The following SLC38A9 variants were observed in gnomAD, a reference collection of about 807,000 sequenced individuals.
SLC38A9 encodes solute carrier family 38 member 9, also known as neutral amino acid transporter 9.
A neutral mutation model predicts 62.3 loss-of-function variants in SLC38A9; 48 were observed. The observed-to-expected ratio is 0.77, with a 90% CI of 0.61 to 0.98. SLC38A9 has a LOEUF of 0.98. Ranked by LOEUF, SLC38A9 falls within the 50% of genes least tolerant of loss-of-function variation. The pLI, the probability that SLC38A9 is intolerant of heterozygous loss-of-function variation, is 0.00. For missense variants in SLC38A9, 541 were observed against 679.8 expected (o/e 0.80, Z 2.27); for synonymous variants, 204 against 227.7 (o/e 0.90, Z 0.94).
chr5:55,692,423 T>C (rs1215679618), intron 3 of SLC38A9, among the ~76,000 whole-genome samples: 1 of 151,894 alleles, frequency 6.6e-6, no homozygotes, highest in African/African-American at 2.4e-5. Context: ...GTTTTATTTA[T>C]ATATGTAATG....
At chr5:55,629,270 G>A (rs1457661219) in intron 14 of SLC38A9, among the ~76,000 whole-genome samples, 1 of 151,996 alleles carries the variant, frequency 6.6e-6, no homozygotes, top group Non-Finnish European at 1.5e-5. Context: ...GCAGTGCAGT[G>A]GGGCAATAAT....
chr5:55,682,717 A>G (rs193208081), intron 3 of SLC38A9, among the ~76,000 whole-genome samples: 29 of 152,242 alleles, frequency 1.9e-4, no homozygotes, highest in African/African-American at 6.5e-4. Flanking sequence ...CAAAGTTACA[A>G]GGTGCTATGA....
chr5:55,646,650 T>C (rs1379192860), intron 11 of SLC38A9, among the ~76,000 whole-genome samples: 1 of 152,234 alleles, frequency 6.6e-6, no homozygotes, highest in Non-Finnish European at 1.5e-5. Flanking sequence ...TAAATTGAGA[T>C]ACAGTTGTGC....
chr5:55,670,471 A>G (rs1751122224), intron 4 of SLC38A9, among the ~76,000 whole-genome samples: 1 of 152,230 alleles, frequency 6.6e-6, no homozygotes, highest in Admixed American at 6.5e-5. Flanking sequence ...TTTCAAATAT[A>G]GAAAATCTAA....
chr5:55,687,376 G>A (rs1321695465), intron 3 of SLC38A9, among the ~76,000 whole-genome samples: 2 of 145,964 alleles, frequency 1.4e-5, no homozygotes, highest in Non-Finnish European at 3.0e-5. Flanking sequence ...GCAGTGAGCG[G>A]AGATCGCGCC....
chr5:55,650,688 C>T (rs1458318741), intron 10 of SLC38A9, among the ~76,000 whole-genome samples: 2 of 152,182 alleles, frequency 1.3e-5, no homozygotes, highest in Non-Finnish European at 2.9e-5. Context: ...TACAGTGAAT[C>T]CTGTTCCTGA....
intron 8 of SLC38A9, among the ~76,000 whole-genome samples, chr5:55,663,296 C>CAAAAA (rs555065009): frequency 2.1e-5 from 2 of 93,122 alleles, no homozygotes; most frequent in African/African-American, 4.7e-5. Flanking sequence ...TCTGTCTCTA[C>CAAAAA]AAAAAAAAAA....
chr5:55,640,235 C>T (rs985372044), intron 12 of SLC38A9, among the ~76,000 whole-genome samples: 2 of 152,114 alleles, frequency 1.3e-5, no homozygotes, highest in Admixed American at 1.3e-4. Context: ...ATCCAACCAC[C>T]TCAGCCTCCC....
At position 55,711,519 on chromosome 5, in the gene SLC38A9, C is replaced by A. The variant is rs1403708196; in HGVS notation, c.-82-20G>T. The A allele has an allele frequency of 6.6e-6, 1 of 152,074 alleles. No individual in the cohort carries two copies. The highest frequency in any genetic ancestry group is 1.5e-5 in the Non-Finnish European group (1 of 68,034). 9.4% of individuals were successfully genotyped at this position (152,074 alleles called of 1,614,324 possible). ...CCTTCTCTGTAAAATGAGGAGAATG[C>A]GCTTGACTAGCTGCTCTCAAACCCC... On this transcript the variant is annotated intron_variant, in intron 1 of 15. Coordinates refer to ENST00000396865, the MANE Select transcript of SLC38A9 (RefSeq NM_173514.4).
In SLC38A9 at chr5:55,654,568, T is replaced by C. The variant is rs980296488; in HGVS notation, c.758-1845A>G. Among the ~76,000 whole-genome samples, 4 of 151,116 alleles carry C rather than the reference T, an allele frequency of 2.6e-5. No individual in the cohort carries two copies. In the East Asian group the frequency reaches 7.8e-4, roughly 29 times the overall value. On this transcript the variant is annotated intron_variant, in intron 9 of 15. Transcript: ENST00000396865. ...TGCAGTGAGCTATGATCATTGCCAC[T>C]ATAGGCCAGCCTAGGCAGCAGAGAG...
chr5:55,669,970 T>G, intron 4 of SLC38A9, 91 bp from the exon 5 acceptor site: 2 of 1,121,202 alleles, frequency 1.8e-6, no homozygotes, highest in Non-Finnish European at 2.5e-6. Flanking sequence ...TCTAGACACC[T>G]TTTTTTTTCT....
chr5:55,647,884 A>G (rs1435089065), intron 11 of SLC38A9, among the ~76,000 whole-genome samples: 1 of 152,224 alleles, frequency 6.6e-6, no homozygotes, highest in Non-Finnish European at 1.5e-5. Flanking sequence ...ACAGAGTTGT[A>G]CAACCATAAC....
intron 3 of SLC38A9, among the ~76,000 whole-genome samples, chr5:55,691,573 G>A (rs1375147175): frequency 6.6e-6 from 1 of 152,188 alleles, no homozygotes; most frequent in Non-Finnish European, 1.5e-5. Context: ...GGCATAGTCC[G>A]AGAATAGCAG....
chr5:55,649,942 T>G (rs1288752500), intron 10 of SLC38A9, among the ~76,000 whole-genome samples: 1 of 151,798 alleles, frequency 6.6e-6, no homozygotes, highest in Non-Finnish European at 1.5e-5. Flanking sequence ...AAGCAGAGAG[T>G]CCATTACAAA....
chr5:55,644,151 G>A (rs1745884170), intron 12 of SLC38A9, among the ~76,000 whole-genome samples: 1 of 152,074 alleles, frequency 6.6e-6, no homozygotes, highest in Admixed American at 6.6e-5. Context: ...AGTAGAGACA[G>A]GGTTTCACCA....
chr5:55,659,418 A>T (rs1749074678), intron 8 of SLC38A9, among the ~76,000 whole-genome samples: 1 of 131,094 alleles, frequency 7.6e-6, no homozygotes, highest in Non-Finnish European at 1.6e-5. Context: ...ATGGAGTCTC[A>T]CTCTTGTTGC....
intron 12 of SLC38A9, among the ~76,000 whole-genome samples, chr5:55,639,212 G>A (rs900599538): frequency 1.3e-5 from 2 of 149,020 alleles, no homozygotes; most frequent in Non-Finnish European, 3.0e-5. Flanking sequence ...GGCGGAGGTT[G>A]CAGCGAGCCA....
intron 10 of SLC38A9, among the ~76,000 whole-genome samples, chr5:55,651,241 T>C (rs1747384299): frequency 7.2e-6 from 1 of 138,482 alleles, no homozygotes; most frequent in South Asian, 2.5e-4. Context: ...GGGGTTCCTT[T>C]TGCCATCTTT....
chr5:55,675,088 T>C (rs1268330272), intron 3 of SLC38A9, among the ~76,000 whole-genome samples: 1 of 152,226 alleles, frequency 6.6e-6, no homozygotes, highest in Non-Finnish European at 1.5e-5. Context: ...ATCATACTGA[T>C]AGAAAGAGAT....
Sources: gnomAD v4.1 joint callset for allele counts (sites outside exome capture counted in the v4.1 genomes callset) on GRCh38, gnomAD v4.1.1 for gene constraint, MANE v1.5 for transcripts, NCBI Gene and HGNC (gene_info 2026-07-23, HGNC 2026-07-21) for gene names.